The following ARK2C variants were observed in gnomAD, a reference collection of about 807,000 sequenced individuals.
ARK2C encodes the protein arkadia (RNF111) C-terminal like ring finger ubiquitin ligase 2C.
chr18:46,371,447 T>C, the ARK2C span, among the ~76,000 whole-genome samples: 1 of 152,206 alleles, frequency 6.6e-6, no homozygotes, highest in African/African-American at 2.4e-5. Context: ...GACTGGATTC[T>C]CAGTCATCTC....
At chr18:46,357,670 G>A in the ARK2C span, among the ~76,000 whole-genome samples, 1 of 152,210 alleles carries the variant, frequency 6.6e-6, no homozygotes, top group Non-Finnish European at 1.5e-5. Flanking sequence ...ACAGCAAGAT[G>A]CCTCCAGATG....
At chr18:46,405,542 A>C in the ARK2C span, among the ~76,000 whole-genome samples, 1 of 152,104 alleles carries the variant, frequency 6.6e-6, no homozygotes, top group Non-Finnish European at 1.5e-5. Flanking sequence ...AAAGTGGGTG[A>C]AAGGTTGGAG....
the ARK2C span, among the ~76,000 whole-genome samples, chr18:46,414,350 TGTGTAG>T: frequency 3.3e-5 from 5 of 152,222 alleles, no homozygotes; most frequent in Non-Finnish European, 4.4e-5. Context: ...ACCAGGGCTC[TGTGTAG>T]GTGCTGCTTA....
chr18:46,355,376 C>T, the ARK2C span, among the ~76,000 whole-genome samples: 6 of 152,280 alleles, frequency 3.9e-5, no homozygotes, highest in African/African-American at 9.6e-5. Context: ...CTCAGGGCCT[C>T]GGGCTCCTCA....
At chr18:46,436,052 T>C in the ARK2C span, among the ~76,000 whole-genome samples, 1 of 152,120 alleles carries the variant, frequency 6.6e-6, no homozygotes, top group African/African-American at 2.4e-5. Context: ...AGATGCAGGG[T>C]CGCTTGGTTT....
At chr18:46,383,066 C>T in the ARK2C span, among the ~76,000 whole-genome samples, 13 of 152,286 alleles carry the variant, frequency 8.5e-5, no homozygotes, top group Non-Finnish European at 1.9e-4. Context: ...CCATCTCATG[C>T]CTGCCTTCTT....
At chr18:46,337,488 C>T in the ARK2C span, 2 of 985,184 alleles carry the variant, frequency 2.0e-6, no homozygotes, top group Non-Finnish European at 1.2e-6. Context: ...TCGTGTAGCC[C>T]GGGCCATCTG....
chr18:46,381,462 C>T, the ARK2C span, among the ~76,000 whole-genome samples: 1,080 of 152,284 alleles, frequency 7.1e-3, 13 homozygotes, highest in African/African-American at 0.025. Context: ...CAGGGACATC[C>T]GTTGAGTCCC....
chr18:46,377,164 T>A, the ARK2C span, among the ~76,000 whole-genome samples: 1 of 152,188 alleles, frequency 6.6e-6, no homozygotes, highest in Non-Finnish European at 1.5e-5. Flanking sequence ...GCAAATATAT[T>A]CATATGAAAT....
chr18:46,383,017 C>A, the ARK2C span, among the ~76,000 whole-genome samples: 1 of 152,266 alleles, frequency 6.6e-6, no homozygotes, highest in African/African-American at 2.4e-5. Context: ...CCTCATGCAC[C>A]CCCTAGCCTG....
the ARK2C span, among the ~76,000 whole-genome samples, chr18:46,369,002 G>A: frequency 6.6e-6 from 1 of 152,222 alleles, no homozygotes; most frequent in African/African-American, 2.4e-5. Context: ...ATTGTCTGAT[G>A]TTATTTAATC....
the ARK2C span, chr18:46,433,145 G>A: frequency 2.7e-6 from 4 of 1,463,558 alleles, no homozygotes; most frequent in African/African-American, 1.4e-5. Context: ...TGTGGCGGCC[G>A]CTCGTGCTGG....
chr18:46,363,577 G>C, the ARK2C span, among the ~76,000 whole-genome samples: 1 of 152,184 alleles, frequency 6.6e-6, no homozygotes, highest in Non-Finnish European at 1.5e-5. Flanking sequence ...CTGTGTGCTG[G>C]TTGATGTCCA....
At chr18:46,432,650 T>C in the ARK2C span, among the ~76,000 whole-genome samples, 1 of 152,236 alleles carries the variant, frequency 6.6e-6, no homozygotes, top group Non-Finnish European at 1.5e-5. Context: ...AGGATGCTTA[T>C]GTATTCATTA....
At chr18:46,383,829 G>A in the ARK2C span, among the ~76,000 whole-genome samples, 2 of 152,128 alleles carry the variant, frequency 1.3e-5, no homozygotes, top group East Asian at 1.9e-4. Flanking sequence ...GGGATCACAG[G>A]CGTGAGCCAC....
the ARK2C span, chr18:46,456,368 G>A: frequency 4.1e-5 from 28 of 675,764 alleles, no homozygotes; most frequent in Non-Finnish European, 6.8e-5. Context: ...ATCTGAAAGC[G>A]CTTCCTGGCG....
At chr18:46,452,367 C>T in the ARK2C span, among the ~76,000 whole-genome samples, 2 of 152,132 alleles carry the variant, frequency 1.3e-5, no homozygotes, top group Admixed American at 6.5e-5. Context: ...GCAACCTCCA[C>T]CTCCTGGGTT....
the ARK2C span, among the ~76,000 whole-genome samples, chr18:46,339,694 T>C: frequency 6.6e-6 from 1 of 152,348 alleles, no homozygotes; most frequent in Middle Eastern, 3.4e-3. Flanking sequence ...AACTTCTCTC[T>C]TGAAACTAGC....
chr18:46,410,204 G>T, the ARK2C span, among the ~76,000 whole-genome samples: 1 of 152,166 alleles, frequency 6.6e-6, no homozygotes, highest in Admixed American at 6.5e-5. Flanking sequence ...GGCCCCAAAT[G>T]CTTAGCCAAG....
Sources: allele counts gnomAD v4.1 joint callset (sites outside exome capture counted in the v4.1 genomes callset), GRCh38; gene constraint gnomAD v4.1.1; transcripts MANE v1.5; gene names NCBI Gene and HGNC (gene_info 2026-07-23, HGNC 2026-07-21).